MYLK: variants seen among roughly 807,000 people sequenced by gnomAD.
MYLK encodes the protein myosin light chain kinase, also known as myosin light chain kinase, smooth muscle.
In MYLK, 106 loss-of-function variants were observed where a neutral mutation model predicts 203.4. That is an observed-to-expected ratio of 0.52 (90% CI 0.45 to 0.61). The LOEUF is 0.61. MYLK is among the 20% of genes least tolerant of loss of function. The pLI is 0.00. For synonymous variants in MYLK, 867 were observed against 959.5 expected, an observed-to-expected ratio of 0.90 and a Z score of 1.78; for missense variants, 2,072 against 2,442.3, an observed-to-expected ratio of 0.85 and a Z score of 3.20.
intron 4 of MYLK, among the ~76,000 whole-genome samples, chr3:123,784,542 G>T: frequency 6.6e-6 from 1 of 151,764 alleles, no homozygotes. Context: ...CTGTTTTTCT[G>T]TCTCTACCTT....
chr3:123,861,727 T>C (rs1485656979), intron 2 of MYLK, among the ~76,000 whole-genome samples: 2 of 152,166 alleles, frequency 1.3e-5, no homozygotes, highest in East Asian at 3.9e-4. Flanking sequence ...TCTCAACAGG[T>C]ACCCCAGCAG....
intron 21 of MYLK, 148 bp from the exon 22 acceptor site, chr3:123,666,494 C>T (rs1457664537): frequency 3.5e-6 from 4 of 1,134,050 alleles, no homozygotes; most frequent in African/African-American, 1.5e-5. Context: ...GATCCTGCTG[C>T]AGGACATCCA....
chr3:123,676,450 A>G (rs1176795124), intron 20 of MYLK, among the ~76,000 whole-genome samples: 1 of 152,248 alleles, frequency 6.6e-6, no homozygotes, highest in Non-Finnish European at 1.5e-5. Context: ...AATGTTTAAA[A>G]AAAAGATTTG....
intron 3 of MYLK, among the ~76,000 whole-genome samples, chr3:123,812,630 C>G (rs1423552721): frequency 6.6e-6 from 1 of 152,162 alleles, no homozygotes; most frequent in Non-Finnish European, 1.5e-5. Flanking sequence ...CACCTGTGTC[C>G]CTCAACCAAC....
At chr3:123,834,926 G>A (rs1264257318) in intron 2 of MYLK, among the ~76,000 whole-genome samples, 1 of 152,204 alleles carries the variant, frequency 6.6e-6, no homozygotes, top group Non-Finnish European at 1.5e-5. Flanking sequence ...TGTCTTATGA[G>A]GCATAACGAG....
At chr3:123,695,297 C>A (rs1353197017) in intron 18 of MYLK, among the ~76,000 whole-genome samples, 1 of 152,262 alleles carries the variant, frequency 6.6e-6, no homozygotes, top group Non-Finnish European at 1.5e-5. Context: ...CAACTCTGAG[C>A]TCACCCATGT....
At chr3:123,779,072 G>C (rs1217155530) in intron 4 of MYLK, among the ~76,000 whole-genome samples, 3 of 152,228 alleles carry the variant, frequency 2.0e-5, no homozygotes, top group African/African-American at 7.2e-5. Context: ...TTCAGTACCA[G>C]TGTTCACTGT....
intron 3 of MYLK, among the ~76,000 whole-genome samples, chr3:123,816,127 T>A (rs1292722802): frequency 1.3e-5 from 2 of 152,246 alleles, no homozygotes; most frequent in Non-Finnish European, 2.9e-5. Context: ...GGGAGGATGG[T>A]GGGAGCACTG....
Position 123,738,807 on chromosome 3 carries a change from A to G in MYLK, c.588+90T>C, listed in dbSNP as rs539360829. 1.9e-5 allele frequency: 29 copies of G among 1,510,640 alleles called. No individual in the cohort carries two copies. The African/African-American group carries it at 2.5e-4, about 13-fold the overall frequency. 93.6% of individuals were successfully genotyped at this position (1,510,640 alleles called of 1,614,324 possible). On this transcript the variant is annotated intron_variant, in intron 7 of 33. Transcript: ENST00000360304. ...TGAGTCCATTAAACCTCTTTCCTTC[A>G]TAAATTACCCAGTCTCGGGTATGTC...
chr3:123,677,916 T>C lies in MYLK; in HGVS notation c.3652+4308A>G, dbSNP rs200798551. ...ATATATATATATATATATATATATA[T>C]ATACACACACACACACACAGAGTAC... On this transcript the variant is annotated intron_variant, in intron 20 of 33. Transcript: ENST00000360304. Among the ~76,000 whole-genome samples the C allele has an allele frequency of 2.9e-3, 276 of 94,770 alleles. 9 individuals carry two copies. The highest frequency in any genetic ancestry group is 0.021 in the East Asian group (33 of 1,584). The allele number at this position is 94,770 out of a possible 152,430, so 62.2% of individuals were successfully genotyped here.
chr3:123,713,843 A>G (rs2061798419), intron 13 of MYLK, among the ~76,000 whole-genome samples: 1 of 152,192 alleles, frequency 6.6e-6, no homozygotes, highest in Admixed American at 6.5e-5. Context: ...ATGGCAACAT[A>G]ATACTGAGAA....
chr3:123,862,266 G>T (rs1365865490), intron 2 of MYLK, among the ~76,000 whole-genome samples: 1 of 152,264 alleles, frequency 6.6e-6, no homozygotes, highest in Non-Finnish European at 1.5e-5. Flanking sequence ...TAGTTCATCT[G>T]TGTATTCAGC....
rs190710022 is a variant in MYLK at position 123,762,293 on chromosome 3, A to G, written c.166-9755T>C. On this transcript the variant is annotated intron_variant, in intron 4 of 33. Transcript: ENST00000360304. ...TACCTAGGCTGAAGTGCAGTGGCAGATCTTGGCTCACTGCAACCTCTACCT... is the reference window on the plus strand; with the variant it reads ...TACCTAGGCTGAAGTGCAGTGGCAGGTCTTGGCTCACTGCAACCTCTACCT... Among the ~76,000 whole-genome samples, 4 of 151,364 alleles carry G rather than the reference A, an allele frequency of 2.6e-5. No individual in the cohort carries two copies. In the East Asian group the frequency reaches 7.8e-4, roughly 30 times the overall value.
intron 8 of MYLK, chr3:123,735,692 A>C (rs1055182332): frequency 2.2e-5 from 10 of 445,370 alleles, no homozygotes; most frequent in Non-Finnish European, 3.7e-5. Context: ...AGGAAAAAAA[A>C]CCAATCCAGG....
chr3:123,742,308 T>C (rs2062878108), intron 5 of MYLK, among the ~76,000 whole-genome samples: 1 of 152,192 alleles, frequency 6.6e-6, no homozygotes, highest in East Asian at 1.9e-4. Context: ...TTAAATACAT[T>C]TTGTGCAGCA....
intron 3 of MYLK, among the ~76,000 whole-genome samples, chr3:123,803,313 C>T (rs1377703517): frequency 6.6e-6 from 1 of 152,154 alleles, no homozygotes; most frequent in Non-Finnish European, 1.5e-5. Context: ...GGTGTTACTG[C>T]TTTTATGATT....
At chr3:123,785,987 A>G (rs771845429) in intron 4 of MYLK, among the ~76,000 whole-genome samples, 3 of 152,204 alleles carry the variant, frequency 2.0e-5, no homozygotes, top group Non-Finnish European at 2.9e-5. Flanking sequence ...TAATGGATCA[A>G]ATTATAAATT....
chr3:123,794,094 A>G (rs1432724719), intron 3 of MYLK, among the ~76,000 whole-genome samples: 1 of 152,234 alleles, frequency 6.6e-6, no homozygotes, highest in African/African-American at 2.4e-5. Context: ...CTGCCTCCTC[A>G]AAACCCTGTG....
intron 3 of MYLK, among the ~76,000 whole-genome samples, chr3:123,811,835 T>A (rs1394064289): frequency 6.6e-6 from 1 of 152,200 alleles, no homozygotes; most frequent in Non-Finnish European, 1.5e-5. Flanking sequence ...CCCCTCCAGG[T>A]GTGATTGATT....
Sources: gnomAD v4.1 joint callset for allele counts (sites outside exome capture counted in the v4.1 genomes callset) on GRCh38, gnomAD v4.1.1 for gene constraint, MANE v1.5 for transcripts, NCBI Gene and HGNC (gene_info 2026-07-23, HGNC 2026-07-21) for gene names.